Variants in ERICH6 observed in about 807,000 individuals in gnomAD.
ERICH6 encodes glutamate-rich protein 6.
A neutral mutation model predicts 71.0 loss-of-function variants in ERICH6; 71 were observed. That is an observed-to-expected ratio of 1.00 (90% confidence interval 0.83 to 1.22). The LOEUF (loss-of-function observed/expected upper bound fraction) is 1.22. Ranked by LOEUF, ERICH6 falls within the 50% of genes most tolerant of loss-of-function variation. ERICH6 has a pLI of 0.00. For synonymous variants in ERICH6, 262 were observed against 278.4 expected (o/e 0.94, Z 0.59); for missense variants, 808 against 797.2 (o/e 1.01, Z -0.16).
At chr3:150,696,269 T>C (rs1432028410) in intron 3 of ERICH6, among the ~76,000 whole-genome samples, 1 of 152,110 alleles carries the variant, frequency 6.6e-6, no homozygotes, top group Non-Finnish European at 1.5e-5. Context: ...GGATGGTTAT[T>C]TTCTTAAGCC....
rs138748404 is a variant in ERICH6 at position 150,676,874 on chromosome 3, C to T, written c.1257+1535G>A. ...TGTTGCCCAGGCTGGAGTGCAATGG[C>T]GCGATCTTGGCTCACTGCAACCTCT... On this transcript the variant is annotated intron_variant, in intron 10 of 13. Coordinates refer to ENST00000295910, the MANE Select transcript of ERICH6 (RefSeq NM_152394.5). Among the ~76,000 whole-genome samples the T allele has an allele frequency of 4.0e-3, 609 of 151,856 alleles. 4 individuals carry two copies. The highest frequency in any genetic ancestry group is 0.014 in the African/African-American group (580 of 41,366).
At chr3:150,701,554 T>C (rs1712870001) in intron 2 of ERICH6, among the ~76,000 whole-genome samples, 1 of 152,216 alleles carries the variant, frequency 6.6e-6, no homozygotes, top group Non-Finnish European at 1.5e-5. Context: ...CAATTCTCCT[T>C]AGACTTAAGA....
In ERICH6 at chr3:150,659,886, T is replaced by C; in HGVS notation, c.*6A>G. ...ACAAAACAAATGAAAGCACCATCAT[T>C]CTTAGTTAAATTTCTTCATTTATTA... On this transcript the variant is annotated 3_prime_UTR_variant, in exon 14 of 14. Transcript: ENST00000295910. 6.3e-7 allele frequency: 1 copy of C among 1,592,818 alleles called. No homozygotes were observed. Among genetic ancestry groups the C allele is most frequent in the Non-Finnish European group, 8.5e-7 (1 of 1,170,626 alleles).
intron 4 of ERICH6, 116 bp from the exon 5 acceptor site, chr3:150,686,137 C>T (rs1333057947): frequency 8.4e-7 from 1 of 1,186,698 alleles, no homozygotes; most frequent in Non-Finnish European, 1.3e-6. Flanking sequence ...CACGCACACA[C>T]TGTTCAGATG....
chr3:150,688,745 C>T (rs993288758), intron 3 of ERICH6, among the ~76,000 whole-genome samples: 3 of 152,198 alleles, frequency 2.0e-5, no homozygotes, highest in African/African-American at 7.2e-5. Flanking sequence ...CTGGGAGCCC[C>T]CTCCCGGCTT....
At chr3:150,680,725 C>T (rs373591966) in intron 8 of ERICH6, 48 bp downstream of exon 8, 311 of 1,567,904 alleles carry the variant, frequency 2.0e-4, no homozygotes, top group Middle Eastern at 5.1e-4. Flanking sequence ...AAACGAGCTC[C>T]GATTAAGCCG....
Position 150,660,268 on chromosome 3 carries a change from A to T in ERICH6, c.1729-113T>A, listed in dbSNP as rs1042700962. The stretch of plus-strand genomic sequence containing the variant: ...GGGTTGGATTCCCTGATGAGGGTCC[A>T]CTCTAATTCATCCGTAAGCAGGGGC... On this transcript the variant is annotated intron_variant, in intron 13 of 13. Coordinates refer to ENST00000295910, the MANE Select transcript of ERICH6 (RefSeq NM_152394.5). 1.0e-5 allele frequency: 12 copies of T among 1,191,978 alleles called. 1 individual carries two copies. The African/African-American group carries it at 1.2e-4, about 12-fold the overall frequency. 73.8% of individuals were successfully genotyped at this position (1,191,978 alleles called of 1,614,324 possible).
intron 13 of ERICH6, among the ~76,000 whole-genome samples, chr3:150,664,809 GAATCTTTA>G (rs141712331): frequency 0.23 from 34,575 of 150,868 alleles, 5,215 homozygotes; most frequent in African/African-American, 0.44. Flanking sequence ...TGTATTGTTT[GAATCTTTA>G]AATCTTTAAA....
At chr3:150,669,855 A>G (rs1010685856) in intron 11 of ERICH6, among the ~76,000 whole-genome samples, 1 of 152,214 alleles carries the variant, frequency 6.6e-6, no homozygotes, top group African/African-American at 2.4e-5. Flanking sequence ...AATGGATTTC[A>G]AATAGGAATG....
At chr3:150,685,151 G>A (rs1445490241) in intron 6 of ERICH6, among the ~76,000 whole-genome samples, 6 of 152,050 alleles carry the variant, frequency 3.9e-5, no homozygotes, top group Admixed American at 6.5e-5. Context: ...CAGGCTTTGC[G>A]GCCACTCTTA....
Position 150,674,061 on chromosome 3 carries a change from A to C in ERICH6, c.1258-20T>G, listed in dbSNP as rs1476117493. The C allele has an allele frequency of 3.1e-6, 5 of 1,602,352 alleles. No individual in the cohort carries two copies. The highest frequency in any genetic ancestry group is 3.4e-5 in the Admixed American group (2 of 59,262). On this transcript the variant is annotated intron_variant, in intron 10 of 13. Transcript: ENST00000295910. ...GACAACCTATACACCACAGAAAAGA[A>C]AAGACACTTAATTGTTTCGGACATA...
chr3:150,677,535 C>T (rs887953097), intron 10 of ERICH6, among the ~76,000 whole-genome samples: 10 of 151,016 alleles, frequency 6.6e-5, no homozygotes, highest in Non-Finnish European at 1.2e-4. Context: ...TTTGCTCTGT[C>T]ACCCAGGCTG....
In ERICH6 at chr3:150,672,101, T is replaced by C. The variant is rs148395002; in HGVS notation, c.1343+1855A>G. Among the ~76,000 whole-genome samples, 23 of 152,146 alleles carry C rather than the reference T, an allele frequency of 1.5e-4. No individual in the cohort carries two copies. In the East Asian group the frequency reaches 4.4e-3, roughly 29 times the overall value. On this transcript the variant is annotated intron_variant, in intron 11 of 13. Transcript: ENST00000295910. ...AGTACATCTATATAATAAAGTACTA[T>C]GTGGTTATAAAACGGTGTTGCTACC...
At chr3:150,694,271 G>A (rs553309672) in intron 3 of ERICH6, among the ~76,000 whole-genome samples, 7 of 151,732 alleles carry the variant, frequency 4.6e-5, no homozygotes, top group Non-Finnish European at 1.0e-4. Flanking sequence ...ATTATTATTT[G>A]GTGTGTTTCA....
chr3:150,700,037 C>T (rs969178163), intron 2 of ERICH6, among the ~76,000 whole-genome samples: 129 of 151,726 alleles, frequency 8.5e-4, no homozygotes, highest in African/African-American at 3.0e-3. Flanking sequence ...GCAGTATTGG[C>T]TACTAGGAGG....
At chr3:150,702,618 C>G (rs1166884944) in intron 1 of ERICH6, among the ~76,000 whole-genome samples, 1 of 152,076 alleles carries the variant, frequency 6.6e-6, no homozygotes, top group Non-Finnish European at 1.5e-5. Flanking sequence ...GCTTCTAGCA[C>G]AGCCACGGGT....
chr3:150,665,920 T>C (rs1165351347), intron 13 of ERICH6, among the ~76,000 whole-genome samples: 1 of 152,134 alleles, frequency 6.6e-6, no homozygotes, highest in Non-Finnish European at 1.5e-5. Context: ...TATTTATGTA[T>C]ATAGCTATAC....
At chr3:150,682,523 A>G (rs1265610834) in intron 6 of ERICH6, among the ~76,000 whole-genome samples, 1 of 152,122 alleles carries the variant, frequency 6.6e-6, no homozygotes, top group Admixed American at 6.5e-5. Context: ...GTCTGGTGCA[A>G]TTCCCCAGAG....
chr3:150,675,901 G>A (rs1262119746), intron 10 of ERICH6, among the ~76,000 whole-genome samples: 1 of 129,030 alleles, frequency 7.8e-6, no homozygotes, highest in Non-Finnish European at 1.7e-5. Flanking sequence ...GTTTCACTAT[G>A]ATGTGTCTAG....
Sources: gnomAD v4.1 joint callset for allele counts (sites outside exome capture counted in the v4.1 genomes callset) on GRCh38, gnomAD v4.1.1 for gene constraint, MANE v1.5 for transcripts, NCBI Gene and HGNC (gene_info 2026-07-23, HGNC 2026-07-21) for gene names.